PDXDC1: variants seen among roughly 807,000 people sequenced by gnomAD.
PDXDC1 encodes pyridoxal dependent decarboxylase domain containing 1.
Under a neutral mutation model 100.1 loss-of-function variants are expected in PDXDC1, and 42 were observed. That is an observed-to-expected ratio of 0.42 (90% confidence interval 0.33 to 0.54). The LOEUF (loss-of-function observed/expected upper bound fraction) is 0.54. Among genes scored for constraint, PDXDC1 ranks in the 20% least tolerant of loss-of-function variants. The pLI is 0.10. For synonymous variants in PDXDC1, 260 were observed against 371.7 expected (o/e 0.70, Z 3.46); for missense variants, 636 against 979.2 (o/e 0.65, Z 4.68).
intron 1 of PDXDC1, among the ~76,000 whole-genome samples, chr16:14,981,748 C>G (rs1968038737): frequency 6.6e-6 from 1 of 152,306 alleles, no homozygotes; most frequent in Non-Finnish European, 1.5e-5. Flanking sequence ...CCTTCACATA[C>G]TGCTCTCTGA....
rs184787730 is a variant in PDXDC1, at chr16:14,996,030, T to C, written c.22-1723T>C. Among the ~76,000 whole-genome samples the C allele has an allele frequency of 1.8e-4, 28 of 152,402 alleles. No homozygotes were observed. In the East Asian group the frequency reaches 5.2e-3, roughly 28 times the overall value. On this transcript the variant is annotated intron_variant, in intron 1 of 22. Coordinates refer to ENST00000396410, the MANE Select transcript of PDXDC1 (RefSeq NM_015027.4). ...TGAAACTTTTTACAAATAAAAACTT[T>C]ACTACTTTACTCAAAACCCTGTTAT...
intron 17 of PDXDC1, chr16:15,032,131 G>C (rs926415387): frequency 3.5e-6 from 2 of 565,724 alleles, no homozygotes; most frequent in African/African-American, 3.7e-5. Context: ...CTGTCTGTAG[G>C]TGCCGACTCT....
At chr16:15,149,323 C>G in the PDXDC1 span, among the ~76,000 whole-genome samples, 2 of 152,202 alleles carry the variant, frequency 1.3e-5, no homozygotes, top group Admixed American at 1.3e-4. Context: ...GTTTGTTGAA[C>G]GCGGGCTCCA....
rs753802699 is a variant in PDXDC1, at chr16:15,047,518, C to T, written c.1399+17462C>T. 7 of 1,613,854 alleles carry T rather than the reference C, an allele frequency of 4.3e-6. No homozygotes were observed. Among genetic ancestry groups the T allele is most frequent in the Middle Eastern group, 1.6e-4 (1 of 6,084 alleles). On this transcript the variant is annotated intron_variant, in intron 16 of 16. Coordinates refer to the PDXDC1 transcript ENST00000535621. ...GGGACCTCAGCTTTGGTGTCGGTTC[C>T]GTCACAATGTGTCAAGCAGGTGGCC...
At chr16:15,056,286 G>C (rs1007177892) in intron 16 of PDXDC1, among the ~76,000 whole-genome samples, 4 of 152,230 alleles carry the variant, frequency 2.6e-5, no homozygotes, top group African/African-American at 9.6e-5. Context: ...GGGAGTGAAG[G>C]AGCGGGGAAA....
In PDXDC1 at chr16:15,032,845, T is replaced by G; in HGVS notation, c.1572-16T>G. 1 of 1,320,580 alleles carries G rather than the reference T, an allele frequency of 7.6e-7. No individual in the cohort carries two copies. Among genetic ancestry groups the G allele is most frequent in the South Asian group, 1.2e-5 (1 of 84,900 alleles). 81.8% of individuals were successfully genotyped at this position (1,320,580 alleles called of 1,614,324 possible). ...GATCTTTTAAGCTGAAATGCTGTGG[T>G]TTGATGTTGTTTTAGGTATGAACAT... is the stretch of plus-strand genomic sequence containing the variant. On this transcript the variant is annotated splice_polypyrimidine_tract_variant and intron_variant, in intron 17 of 22. Coordinates refer to ENST00000396410, the MANE Select transcript of PDXDC1 (RefSeq NM_015027.4).
intron 1 of PDXDC1, among the ~76,000 whole-genome samples, chr16:14,977,850 T>G (rs2042188839): frequency 1.3e-5 from 2 of 152,272 alleles, no homozygotes; most frequent in South Asian, 4.1e-4. Context: ...CCATTTAAAC[T>G]GATTGTTGCA....
intron 8 of PDXDC1, among the ~76,000 whole-genome samples, chr16:15,013,907 A>G (rs1392140267): frequency 1.3e-5 from 2 of 151,858 alleles, no homozygotes; most frequent in Non-Finnish European, 2.9e-5. Context: ...ATCATACTAC[A>G]ATAAAACTGC....
chr16:15,078,814 T>G (rs1353291806), intron 16 of PDXDC1, among the ~76,000 whole-genome samples: 1 of 22,998 alleles, frequency 4.3e-5, no homozygotes, highest in East Asian at 7.7e-4. Flanking sequence ...ATTTTTTTCT[T>G]TTTTTTTTTT....
intron 16 of PDXDC1, chr16:15,083,362 G>C (rs2151807916): frequency 8.1e-7 from 1 of 1,241,330 alleles, no homozygotes. Flanking sequence ...TGACGCCATT[G>C]CACTCCAGCT....
chr16:15,130,174 AGG>A, intron 16 of PDXDC1: 4 of 1,533,480 alleles, frequency 2.6e-6, no homozygotes, highest in Non-Finnish European at 3.5e-6. Context: ...GACTCTGCAG[AGG>A]CTCCCAGGAG....
intron 5 of PDXDC1, among the ~76,000 whole-genome samples, chr16:15,006,017 A>G (rs2151400692): frequency 6.6e-6 from 1 of 152,392 alleles, no homozygotes; most frequent in South Asian, 2.1e-4. Flanking sequence ...AGTTTTATTT[A>G]CTTTGGATGT....
intron 16 of PDXDC1, among the ~76,000 whole-genome samples, chr16:15,104,156 G>C (rs1321230455): frequency 3.1e-5 from 2 of 65,382 alleles, no homozygotes; most frequent in African/African-American, 1.3e-4. Context: ...CTGGGTGACA[G>C]AGCAAACTCC....
At chr16:15,015,857 G>A (rs1193894900) in intron 8 of PDXDC1, 2 of 668,050 alleles carry the variant, frequency 3.0e-6, no homozygotes, top group Non-Finnish European at 4.7e-6. Flanking sequence ...TATTTCTCAT[G>A]AGTCAGCAGA....
At chr16:15,039,606 T>C (rs1185309283), downstream of PDXDC1, among the ~76,000 whole-genome samples, 2 of 152,210 alleles carry the variant, frequency 1.3e-5, no homozygotes, top group African/African-American at 4.8e-5. Flanking sequence ...AAAGAATGCA[T>C]AGTCCTGAGT....
At chr16:15,049,040 CA>C (rs1212332399) in intron 16 of PDXDC1, among the ~76,000 whole-genome samples, 1 of 130,588 alleles carries the variant, frequency 7.7e-6, no homozygotes, top group Non-Finnish European at 1.6e-5. Flanking sequence ...AGTACAGGCA[CA>C]CACCGCCACA....
chr16:15,051,703 T>A (rs945232495), intron 16 of PDXDC1, among the ~76,000 whole-genome samples: 206 of 149,550 alleles, frequency 1.4e-3, no homozygotes, highest in Admixed American at 5.1e-3. Context: ...TTTTAATTTT[T>A]TTTTTTTTTT....
chr16:15,126,288 C>A (rs2047722571), intron 16 of PDXDC1, among the ~76,000 whole-genome samples: 1 of 133,636 alleles, frequency 7.5e-6, no homozygotes, highest in South Asian at 2.7e-4. Flanking sequence ...CTGCCCGCCT[C>A]CGCCTCCCAA....
chr16:15,139,946 A>G (rs544348778), downstream of PDXDC1, among the ~76,000 whole-genome samples: 6 of 151,982 alleles, frequency 3.9e-5, no homozygotes, highest in Admixed American at 3.3e-4. Flanking sequence ...AAATGCAAAA[A>G]TTAGGTGGGC....
Sources: allele counts gnomAD v4.1 joint callset (sites outside exome capture counted in the v4.1 genomes callset), GRCh38; gene constraint gnomAD v4.1.1; transcripts MANE v1.5; gene names NCBI Gene and HGNC (gene_info 2026-07-23, HGNC 2026-07-21).